Variants in MYRIP observed in about 807,000 individuals in gnomAD.
The protein encoded by MYRIP is myosin VIIA and Rab interacting protein, also known as rab effector MyRIP.
Under a neutral mutation model 98.0 loss-of-function variants are expected in MYRIP, and 49 were observed. The ratio of observed to expected loss-of-function variants is 0.50; its 90% CI spans 0.40 to 0.63. The LOEUF (loss-of-function observed/expected upper bound fraction) is 0.63. MYRIP is among the 30% of genes least tolerant of loss of function. The pLI is 0.00. For missense variants in MYRIP, 1,004 were observed against 1,058.2 expected (o/e 0.95, Z 0.71); for synonymous variants, 404 against 409.5 (o/e 0.99, Z 0.16).
Position 40,078,591 on chromosome 3 carries a change from A to G in MYRIP, c.332+34320A>G, listed in dbSNP as rs548972891. Among the ~76,000 whole-genome samples the G allele has an allele frequency of 1.7e-3, 262 of 152,302 alleles. 2 individuals are homozygous for G. The highest frequency in any genetic ancestry group is 6.1e-3 in the African/African-American group (255 of 41,570). ...GCAGTTTAGAAATTTGAGTGTACCTATCCCAAACACTGCTGAATTCAAGAC... is the reference window on the plus strand; with the variant it reads ...GCAGTTTAGAAATTTGAGTGTACCTGTCCCAAACACTGCTGAATTCAAGAC... On this transcript the variant is annotated intron_variant, in intron 3 of 16. Coordinates refer to ENST00000302541, the MANE Select transcript of MYRIP (RefSeq NM_015460.4).
At chr3:40,090,532 G>A (rs112762987) in intron 3 of MYRIP, among the ~76,000 whole-genome samples, 2 of 152,136 alleles carry the variant, frequency 1.3e-5, no homozygotes, top group African/African-American at 4.8e-5. Flanking sequence ...TCTGCTGAAG[G>A]ATGGCTACTA....
Position 39,830,423 on chromosome 3 carries a change from G to T in MYRIP, c.-31+20507G>T, listed in dbSNP as rs998388894. ...CTTGTACTCTCTTATTCTCTTCATT[G>T]ATGTCTCACATTTTTCTCCTGTCTC... On this transcript the variant is annotated intron_variant, in intron 1 of 16. Transcript: ENST00000302541. Among the ~76,000 whole-genome samples the T allele has an allele frequency of 5.1e-4, 78 of 152,160 alleles. 1 individual carries two copies. The highest frequency in any genetic ancestry group is 2.7e-3 in the Admixed American group (42 of 15,278).
rs139103386 is a variant in MYRIP, at chr3:39,812,864, A to G, written c.-31+2948A>G. Reference sequence around the variant, plus strand: ...TCTCCGAACATGATTTCCAACTACTATTTTCCATATCTAGCAAGTAGATCC... The same window carrying G: ...TCTCCGAACATGATTTCCAACTACTGTTTTCCATATCTAGCAAGTAGATCC... On this transcript the variant is annotated intron_variant, in intron 1 of 16. Transcript: ENST00000302541. Among the ~76,000 whole-genome samples the G allele has an allele frequency of 2.5e-3, 379 of 152,284 alleles. 3 individuals carry two copies. Among genetic ancestry groups the G allele is most frequent in the East Asian group, 3.1e-3 (16 of 5,180 alleles).
chr3:40,214,516 A>G (rs964927606), intron 11 of MYRIP, among the ~76,000 whole-genome samples: 1 of 152,218 alleles, frequency 6.6e-6, no homozygotes, highest in Non-Finnish European at 1.5e-5. Flanking sequence ...AGTTGGATTA[A>G]ATGTCTTCCT....
intron 3 of MYRIP, among the ~76,000 whole-genome samples, chr3:40,123,831 G>A (rs1559410120): frequency 6.6e-6 from 1 of 152,146 alleles, no homozygotes; most frequent in Admixed American, 6.5e-5. Flanking sequence ...TGTTTCTAGC[G>A]GGTGGATGGA....
chr3:39,823,555 G>C (rs1045067171), intron 1 of MYRIP, among the ~76,000 whole-genome samples: 1 of 152,138 alleles, frequency 6.6e-6, no homozygotes, highest in Non-Finnish European at 1.5e-5. Context: ...CCTAACTGGG[G>C]TAAGATGAAG....
intron 3 of MYRIP, among the ~76,000 whole-genome samples, chr3:40,129,820 G>A (rs534268807): frequency 3.9e-5 from 6 of 152,270 alleles, no homozygotes; most frequent in Admixed American, 3.3e-4. Context: ...TTAGTCGAAT[G>A]AGCCAAAATC....
At chr3:39,978,692 A>G (rs1945812957) in intron 2 of MYRIP, among the ~76,000 whole-genome samples, 1 of 152,206 alleles carries the variant, frequency 6.6e-6, no homozygotes, top group Non-Finnish European at 1.5e-5. Context: ...TTCATTCTTC[A>G]GCCTTGGTCA....
At chr3:39,915,106 C>G (rs1047334860) in intron 2 of MYRIP, among the ~76,000 whole-genome samples, 1 of 152,076 alleles carries the variant, frequency 6.6e-6, no homozygotes, top group Non-Finnish European at 1.5e-5. Flanking sequence ...ACTCGAGGAA[C>G]TCCCCTGGAA....
At chr3:39,874,603 C>T (rs138580278) in intron 1 of MYRIP, among the ~76,000 whole-genome samples, 5,208 of 151,990 alleles carry the variant, frequency 0.034, 210 homozygotes, top group African/African-American at 0.095. Context: ...GATAATCATG[C>T]GGTTTTTGTC....
intron 13 of MYRIP, among the ~76,000 whole-genome samples, chr3:40,249,114 A>G (rs1953290607): frequency 6.6e-6 from 1 of 152,180 alleles, no homozygotes. Context: ...GCAGAATTCA[A>G]ATTTGTCTTG....
At chr3:40,072,496 C>T (rs934712856) in intron 3 of MYRIP, among the ~76,000 whole-genome samples, 40 of 152,270 alleles carry the variant, frequency 2.6e-4, no homozygotes, top group East Asian at 1.7e-3. Context: ...CATGAGCCAC[C>T]GCGCCCAGCC....
intron 1 of MYRIP, among the ~76,000 whole-genome samples, chr3:39,876,757 C>G (rs1368600047): frequency 6.6e-6 from 1 of 152,152 alleles, no homozygotes; most frequent in African/African-American, 2.4e-5. Context: ...CGACTTTTCT[C>G]TCTGGCTGCC....
At chr3:40,036,454 A>G (rs959001811) in intron 2 of MYRIP, among the ~76,000 whole-genome samples, 10 of 152,058 alleles carry the variant, frequency 6.6e-5, no homozygotes, top group Non-Finnish European at 5.9e-5. Context: ...GAAGCAATAA[A>G]GAAAATTAAC....
chr3:39,849,089 C>T (rs1239347274), intron 1 of MYRIP, among the ~76,000 whole-genome samples: 5 of 152,178 alleles, frequency 3.3e-5, no homozygotes, highest in African/African-American at 1.2e-4. Flanking sequence ...GAGGGTACAT[C>T]TGTCTATCCT....
At chr3:40,098,149 A>T (rs1374744497) in intron 3 of MYRIP, among the ~76,000 whole-genome samples, 6 of 152,232 alleles carry the variant, frequency 3.9e-5, no homozygotes. Context: ...TTCAAGTCAA[A>T]CAACAACAGC....
intron 2 of MYRIP, among the ~76,000 whole-genome samples, chr3:39,965,441 G>A (rs1945416620): frequency 6.6e-6 from 1 of 152,022 alleles, no homozygotes; most frequent in Non-Finnish European, 1.5e-5. Context: ...AGTCAGTACA[G>A]CTTTATTTTT....
intron 3 of MYRIP, among the ~76,000 whole-genome samples, chr3:40,054,169 A>G (rs942986358): frequency 9.2e-5 from 14 of 152,134 alleles, no homozygotes; most frequent in African/African-American, 3.4e-4. Flanking sequence ...ATATACCATG[A>G]CCTTGCACAT....
intron 3 of MYRIP, among the ~76,000 whole-genome samples, chr3:40,050,292 G>A (rs1559380172): frequency 6.6e-6 from 1 of 152,118 alleles, no homozygotes; most frequent in African/African-American, 2.4e-5. Flanking sequence ...ACTTCCAGTC[G>A]AAGCCAGTGC....
Sources: allele counts gnomAD v4.1 joint callset (sites outside exome capture counted in the v4.1 genomes callset), GRCh38; gene constraint gnomAD v4.1.1; transcripts MANE v1.5; gene names NCBI Gene and HGNC (gene_info 2026-07-23, HGNC 2026-07-21).